CPA6: variants seen among roughly 807,000 people sequenced by gnomAD.
CPA6 encodes the protein carboxypeptidase A6, also known as carboxypeptidase B.
In CPA6, 58 loss-of-function variants were observed where a neutral mutation model predicts 63.3. That is an observed-to-expected ratio of 0.92 (90% CI 0.74 to 1.14). The LOEUF is 1.14. Among genes scored for constraint, CPA6 ranks in the 50% most tolerant of loss-of-function variants. The pLI is 0.00. For missense variants in CPA6, 565 were observed against 526.6 expected (o/e 1.07, Z -0.71); for synonymous variants, 185 against 179.0 (o/e 1.03, Z -0.27).
chr8:67,563,591 G>A (rs143797055), intron 2 of CPA6, among the ~76,000 whole-genome samples: 40 of 152,266 alleles, frequency 2.6e-4, no homozygotes, highest in African/African-American at 8.7e-4. Context: ...TAGGGAGAAG[G>A]AATCTCATAT....
intron 2 of CPA6, among the ~76,000 whole-genome samples, chr8:67,527,800 C>T (rs905892499): frequency 2.0e-5 from 3 of 152,166 alleles, no homozygotes; most frequent in African/African-American, 4.8e-5. Context: ...TTCATAACAG[C>T]TAAGAAGATG....
intron 8 of CPA6, among the ~76,000 whole-genome samples, chr8:67,479,063 G>A (rs1036457626): frequency 2.0e-5 from 3 of 152,086 alleles, no homozygotes; most frequent in Non-Finnish European, 4.4e-5. Flanking sequence ...CCCCAATATA[G>A]CACCCTAGCA....
intron 2 of CPA6, among the ~76,000 whole-genome samples, chr8:67,558,996 C>T (rs984737999): frequency 6.6e-6 from 1 of 152,150 alleles, no homozygotes; most frequent in African/African-American, 2.4e-5. Context: ...CCAAATTTTA[C>T]CACCCTGTCT....
chr8:67,643,110 A>C (rs1815632983), intron 1 of CPA6, among the ~76,000 whole-genome samples: 1 of 152,254 alleles, frequency 6.6e-6, no homozygotes, highest in South Asian at 2.1e-4. Flanking sequence ...AAATATATCA[A>C]CATGAAATTA....
Position 67,428,135 on chromosome 8 carries a change from T to C in CPA6, c.1042-4A>G, listed in dbSNP as rs367820074. The C allele has an allele frequency of 1.9e-6, 3 of 1,593,586 alleles. No homozygotes were observed. The African/African-American group carries it at 4.0e-5, about 21-fold the overall frequency. On this transcript the variant is annotated splice_region_variant and splice_polypyrimidine_tract_variant and intron_variant, in intron 9 of 10. Transcript: ENST00000297770. ...CAGCTTTATAAGCTGCAGATTCCTATGAGGGAAAATGGGGAAATTTTATAT... is the reference window on the plus strand; with the variant it reads ...CAGCTTTATAAGCTGCAGATTCCTACGAGGGAAAATGGGGAAATTTTATAT...
intron 2 of CPA6, among the ~76,000 whole-genome samples, chr8:67,607,143 TCCC>T (rs532857114): frequency 3.7e-5 from 1 of 26,690 alleles, no homozygotes. Flanking sequence ...CTCCCCCTCC[TCCC>T]CCCCCTCCTC....
intron 5 of CPA6, 76 bp from the exon 6 acceptor site, chr8:67,506,964 G>T: frequency 9.5e-7 from 1 of 1,055,880 alleles, no homozygotes; most frequent in Non-Finnish European, 1.5e-6. Flanking sequence ...TAAGGTTTCA[G>T]CATAATTCTT....
At chr8:67,476,553 C>CTT (rs71554607) in intron 8 of CPA6, among the ~76,000 whole-genome samples, 17,181 of 141,842 alleles carry the variant, frequency 0.12, 1,172 homozygotes, top group East Asian at 0.26. Flanking sequence ...CTCTCTCTCT[C>CTT]TTTTTTTTTT....
chr8:67,535,234 G>A (rs567040266), intron 2 of CPA6, among the ~76,000 whole-genome samples: 1 of 152,168 alleles, frequency 6.6e-6, no homozygotes, highest in East Asian at 1.9e-4. Context: ...TAATGGAATT[G>A]CTGGGTCAAA....
At chr8:67,456,242 G>A (rs1265391650) in intron 8 of CPA6, among the ~76,000 whole-genome samples, 2 of 152,176 alleles carry the variant, frequency 1.3e-5, no homozygotes, top group African/African-American at 2.4e-5. Flanking sequence ...GTTAGCAAAC[G>A]TTTAATTCTC....
At position 67,597,610 on chromosome 8, in the gene CPA6, G is replaced by A. The variant is rs553132123; in HGVS notation, c.192+26566C>T. Among the ~76,000 whole-genome samples the A allele has an allele frequency of 8.5e-5, 13 of 152,228 alleles. No individual in the cohort carries two copies. The South Asian group carries it at 2.7e-3, about 32-fold the overall frequency. On this transcript the variant is annotated intron_variant, in intron 2 of 10. Coordinates refer to ENST00000297770, the MANE Select transcript of CPA6 (RefSeq NM_020361.5). Reference sequence around the variant, plus strand: ...ATTTCTGTCTTTAGCTGTGTCTAATGTGCTGTTAAACCTATCCACTGAGTT... The same window carrying A: ...ATTTCTGTCTTTAGCTGTGTCTAATATGCTGTTAAACCTATCCACTGAGTT...
At chr8:67,570,596 C>T (rs142270325) in intron 2 of CPA6, among the ~76,000 whole-genome samples, 248 of 152,158 alleles carry the variant, frequency 1.6e-3, no homozygotes, top group African/African-American at 4.8e-3. Flanking sequence ...TAGAGTTGTA[C>T]GCAATAAAAG....
At chr8:67,426,311 T>C (rs1185859210) in intron 10 of CPA6, among the ~76,000 whole-genome samples, 1 of 152,262 alleles carries the variant, frequency 6.6e-6, no homozygotes, top group Non-Finnish European at 1.5e-5. Context: ...TCAGTAAATA[T>C]AATACTCTGA....
At chr8:67,492,553 G>GT (rs1319829207) in intron 6 of CPA6, among the ~76,000 whole-genome samples, 2 of 151,554 alleles carry the variant, frequency 1.3e-5, no homozygotes, top group Non-Finnish European at 2.9e-5. Flanking sequence ...CTAAATATTA[G>GT]TTTTACTACT....
chr8:67,435,999 C>T (rs1379583412), intron 8 of CPA6, among the ~76,000 whole-genome samples: 1 of 151,144 alleles, frequency 6.6e-6, no homozygotes, highest in African/African-American at 2.5e-5. Flanking sequence ...TGGGGGAGGG[C>T]GTAAGGTGGG....
intron 1 of CPA6, among the ~76,000 whole-genome samples, chr8:67,649,774 G>T (rs1815795053): frequency 6.6e-6 from 1 of 152,080 alleles, no homozygotes; most frequent in South Asian, 2.1e-4. Context: ...AAATTTCTAG[G>T]AAGCAAAAAC....
intron 1 of CPA6, among the ~76,000 whole-genome samples, chr8:67,692,707 G>T (rs552812919): frequency 2.6e-5 from 4 of 152,252 alleles, no homozygotes; most frequent in Admixed American, 2.6e-4. Flanking sequence ...GGTTTATGAA[G>T]TGGCAACAGC....
At chr8:67,592,583 C>T (rs1223347313) in intron 2 of CPA6, among the ~76,000 whole-genome samples, 4 of 151,616 alleles carry the variant, frequency 2.6e-5, no homozygotes, top group Admixed American at 2.6e-4. Context: ...TTGGTCTATT[C>T]AGAGATTCAA....
chr8:67,437,200 C>A (rs1810180813), intron 8 of CPA6, among the ~76,000 whole-genome samples: 1 of 152,132 alleles, frequency 6.6e-6, no homozygotes, highest in African/African-American at 2.4e-5. Flanking sequence ...TCGAGACCAT[C>A]CTGGCTAACA....
Sources: allele counts gnomAD v4.1 joint callset (sites outside exome capture counted in the v4.1 genomes callset), GRCh38; gene constraint gnomAD v4.1.1; transcripts MANE v1.5; gene names NCBI Gene and HGNC (gene_info 2026-07-23, HGNC 2026-07-21).